The following SSBP2 variants were observed in gnomAD, a reference collection of about 807,000 sequenced individuals.
SSBP2 encodes the protein single stranded DNA binding protein 2.
A neutral mutation model predicts 61.8 loss-of-function variants in SSBP2; 17 were observed. The ratio of observed to expected loss-of-function variants is 0.28; its 90% CI spans 0.19 to 0.41. SSBP2 has a LOEUF of 0.41. Among genes scored for constraint, SSBP2 ranks in the 10% least tolerant of loss-of-function variants. The probability of loss-of-function intolerance (pLI) is 1.00; values close to 1 mark genes in which losing one functional copy is unlikely to be tolerated. For synonymous variants in SSBP2, 139 were observed against 141.3 expected, an observed-to-expected ratio of 0.98 and a Z score of 0.12; for missense variants, 310 against 458.7, an observed-to-expected ratio of 0.68 and a Z score of 2.96.
chr5:81,446,988 T>C, intron 11 of SSBP2, 66 bp from the exon 12 acceptor site: 1 of 1,166,974 alleles, frequency 8.6e-7, no homozygotes. Context: ...AAGTTAGACT[T>C]ATATCTATAA....
chr5:81,538,608 A>G (rs1158201630), intron 4 of SSBP2, among the ~76,000 whole-genome samples: 1 of 152,218 alleles, frequency 6.6e-6, no homozygotes, highest in Non-Finnish European at 1.5e-5. Flanking sequence ...AAATATTCAA[A>G]GGCTGATTCT....
chr5:81,583,930 A>G (rs1774876622), intron 4 of SSBP2, among the ~76,000 whole-genome samples: 1 of 152,264 alleles, frequency 6.6e-6, no homozygotes, highest in South Asian at 2.1e-4. Context: ...GATGTTAAAT[A>G]TAACAGTGCT....
In SSBP2 at chr5:81,547,464, G is replaced by A. The variant is rs549560721; in HGVS notation, c.283-33747C>T. 1.7e-4 allele frequency among the ~76,000 whole-genome samples: 20 copies of A among 115,038 alleles called. No homozygotes were observed. In the South Asian group the frequency reaches 4.2e-3, roughly 24 times the overall value. 75.5% of individuals were successfully genotyped at this position (115,038 alleles called of 152,430 possible). Reference sequence around the variant, plus strand: ...GTATCAAGCCATGAAAAGATGTGGAGAAAACATTTTTTTTTTCTTTGAGAC... The same window carrying A: ...GTATCAAGCCATGAAAAGATGTGGAAAAAACATTTTTTTTTTCTTTGAGAC... On this transcript the variant is annotated intron_variant, in intron 4 of 16. Transcript: ENST00000320672.
At chr5:81,653,078 CTAA>C (rs1749886333) in intron 1 of SSBP2, among the ~76,000 whole-genome samples, 1 of 151,992 alleles carries the variant, frequency 6.6e-6, no homozygotes, top group South Asian at 2.1e-4. Flanking sequence ...GGTATTTCTC[CTAA>C]TGCTATCCCT....
At chr5:81,728,042 G>C (rs1413387290) in intron 1 of SSBP2, among the ~76,000 whole-genome samples, 1 of 152,134 alleles carries the variant, frequency 6.6e-6, no homozygotes, top group Admixed American at 6.5e-5. Context: ...ACTGAAAGAA[G>C]GCTATGGGGG....
intron 5 of SSBP2, among the ~76,000 whole-genome samples, chr5:81,497,874 G>A (rs1324463369): frequency 3.9e-5 from 6 of 152,046 alleles, no homozygotes; most frequent in African/African-American, 1.4e-4. Context: ...GGCACAAAAG[G>A]ATATCAGGTT....
At chr5:81,508,428 T>C (rs570198561) in intron 5 of SSBP2, among the ~76,000 whole-genome samples, 2 of 152,306 alleles carry the variant, frequency 1.3e-5, no homozygotes, top group Admixed American at 1.3e-4. Context: ...TTATTAAATT[T>C]ATACCTCCTT....
At chr5:81,735,150 A>G (rs769299016) in intron 1 of SSBP2, among the ~76,000 whole-genome samples, 27 of 152,300 alleles carry the variant, frequency 1.8e-4, no homozygotes, top group Non-Finnish European at 3.7e-4. Flanking sequence ...GGATGTTGCA[A>G]ATTATATTAA....
intron 1 of SSBP2, among the ~76,000 whole-genome samples, chr5:81,716,874 A>G (rs1290396941): frequency 6.6e-6 from 1 of 152,202 alleles, no homozygotes; most frequent in Non-Finnish European, 1.5e-5. Flanking sequence ...GGAAGCATCA[A>G]GTATGTGTGT....
In SSBP2 at chr5:81,414,531, T is replaced by C. The variant is rs1761237044; in HGVS notation, c.*5973A>G. 1 of 152,208 alleles carries C rather than the reference T, an allele frequency of 6.6e-6. No individual in the cohort carries two copies. Among genetic ancestry groups the C allele is most frequent in the Non-Finnish European group, 1.5e-5 (1 of 68,020 alleles). The allele number at this position is 152,208 out of a possible 1,614,324, so 9.4% of individuals were successfully genotyped here. A position where few individuals can be genotyped will look rare whatever the true frequency, so the allele number is the denominator to read the frequency against. On this transcript the variant is annotated 3_prime_UTR_variant, in exon 17 of 17. Transcript: ENST00000320672. The stretch of plus-strand genomic sequence containing the variant: ...TACAGTTCATGGGTAAAGCTAACTT[T>C]TTTTGTGTGAAATAAGTTAATAATG...
intron 3 of SSBP2, among the ~76,000 whole-genome samples, chr5:81,631,531 A>G (rs1747722246): frequency 6.6e-6 from 1 of 151,578 alleles, no homozygotes; most frequent in Non-Finnish European, 1.5e-5. Context: ...ATGGACTACC[A>G]ATTGCTGCTG....
chr5:81,560,442 A>G (rs1772956902), intron 4 of SSBP2, among the ~76,000 whole-genome samples: 1 of 152,220 alleles, frequency 6.6e-6, no homozygotes, highest in Non-Finnish European at 1.5e-5. Flanking sequence ...ACAAGGAAAA[A>G]TAATCCTTGG....
Position 81,414,811 on chromosome 5 carries a change from CTGAAA to C in SSBP2, c.*5688_*5692del, listed in dbSNP as rs1761245180. On this transcript the variant is annotated 3_prime_UTR_variant, in exon 17 of 17. Coordinates refer to ENST00000320672, the MANE Select transcript of SSBP2 (RefSeq NM_012446.5). ...ATAACTTTCATCAGCTGTTTTACCA[CTGAAA>C]TGAAAAGTAGTCAAAGGAAATAATT... The C allele has an allele frequency of 2.0e-5, 3 of 151,212 alleles. No homozygotes were observed. The highest frequency in any genetic ancestry group is 4.4e-5 in the Non-Finnish European group (3 of 67,484). 9.4% of individuals were successfully genotyped at this position (151,212 alleles called of 1,614,324 possible).
intron 4 of SSBP2, among the ~76,000 whole-genome samples, chr5:81,579,865 T>C (rs1774511948): frequency 6.6e-6 from 1 of 152,120 alleles, no homozygotes; most frequent in Non-Finnish European, 1.5e-5. Context: ...ATTAAATTCA[T>C]ACCTAACAGG....
chr5:81,728,863 C>T (rs530722433), intron 1 of SSBP2, among the ~76,000 whole-genome samples: 18 of 152,228 alleles, frequency 1.2e-4, no homozygotes, highest in Admixed American at 1.0e-3. Flanking sequence ...AGGCCCTATG[C>T]AATGCTATAA....
chr5:81,694,095 G>A (rs1753420092), intron 1 of SSBP2, among the ~76,000 whole-genome samples: 1 of 152,140 alleles, frequency 6.6e-6, no homozygotes, highest in South Asian at 2.1e-4. Context: ...AACTTTGCAT[G>A]TTCTCAGGTA....
At chr5:81,441,372 C>T (rs1763023118) in intron 13 of SSBP2, among the ~76,000 whole-genome samples, 1 of 152,212 alleles carries the variant, frequency 6.6e-6, no homozygotes, top group African/African-American at 2.4e-5. Context: ...GTCTTCCTCT[C>T]ATCTCTCTAG....
intron 15 of SSBP2, among the ~76,000 whole-genome samples, chr5:81,433,939 C>G (rs1762505972): frequency 6.6e-6 from 1 of 152,174 alleles, no homozygotes; most frequent in Admixed American, 6.5e-5. Flanking sequence ...GATTGTATAG[C>G]TAATGAGAAG....
In SSBP2 at chr5:81,429,698, A is replaced by ATT. The variant is rs58047611; in HGVS notation, c.958-1017_958-1016dup. 5.3e-4 allele frequency among the ~76,000 whole-genome samples: 80 copies of ATT among 151,686 alleles called. 2 individuals are homozygous for ATT. The South Asian group carries it at 1.0e-2, about 19-fold the overall frequency. ...ACATTGTTTTGGAATTAGTTTTTAG[A>ATT]TTTTTTTTTAAAGAAAATTGCTCAG... On this transcript the variant is annotated intron_variant, in intron 15 of 16. Coordinates refer to ENST00000320672, the MANE Select transcript of SSBP2 (RefSeq NM_012446.5).
Sources: allele counts gnomAD v4.1 joint callset (sites outside exome capture counted in the v4.1 genomes callset), GRCh38; gene constraint gnomAD v4.1.1; transcripts MANE v1.5; gene names NCBI Gene and HGNC (gene_info 2026-07-23, HGNC 2026-07-21).